Variants in TTC17 observed in about 807,000 individuals in gnomAD.
TTC17 encodes tetratricopeptide repeat domain 17, also known as tetratricopeptide repeat protein 17.
TTC17 carries 58 observed loss-of-function variants against 143.8 expected under a neutral mutation model. That is an observed-to-expected ratio of 0.40 (90% CI 0.33 to 0.50). The LOEUF (loss-of-function observed/expected upper bound fraction) is 0.50, where lower values mean the gene tolerates loss of function less well. TTC17 is among the 20% of genes least tolerant of loss of function. The pLI is 0.49. For missense variants in TTC17, 1,273 were observed against 1,392.5 expected (o/e 0.91, Z 1.37); for synonymous variants, 501 against 497.8 (o/e 1.01, Z -0.09).
At chr11:43,462,376 A>T (rs891165968) in intron 21 of TTC17, among the ~76,000 whole-genome samples, 4 of 152,234 alleles carry the variant, frequency 2.6e-5, no homozygotes, top group African/African-American at 9.6e-5. Flanking sequence ...AGCCAATCAC[A>T]TGTATTCTTA....
At chr11:43,489,865 C>A (rs1185764733) in intron 21 of TTC17, 1 of 153,666 alleles carries the variant, frequency 6.5e-6, no homozygotes, top group Non-Finnish European at 1.4e-5. Flanking sequence ...AGAGAGACTT[C>A]ATGGTATAAC....
At chr11:43,488,068 C>A (rs1240192362) in intron 21 of TTC17, among the ~76,000 whole-genome samples, 2 of 152,070 alleles carry the variant, frequency 1.3e-5, no homozygotes, top group Non-Finnish European at 2.9e-5. Flanking sequence ...ATAGTTCAAC[C>A]CATAGCAGTG....
At chr11:43,421,294 G>T (rs962377194) in intron 16 of TTC17, among the ~76,000 whole-genome samples, 8 of 152,188 alleles carry the variant, frequency 5.3e-5, no homozygotes, top group African/African-American at 1.9e-4. Flanking sequence ...AAATGTTCAT[G>T]TTAGGAATAG....
intron 21 of TTC17, among the ~76,000 whole-genome samples, chr11:43,481,919 C>T (rs1267306603): frequency 6.6e-6 from 1 of 152,130 alleles, no homozygotes; most frequent in Non-Finnish European, 1.5e-5. Context: ...AAGTGATTCT[C>T]GTGCCTCAGC....
rs74847041 is a variant in TTC17, at chr11:43,469,853, A to T, written c.3030+18588A>T. 9.2e-3 allele frequency among the ~76,000 whole-genome samples: 1,402 copies of T among 152,348 alleles called. 22 individuals are homozygous for T. The highest frequency in any genetic ancestry group is 0.032 in the African/African-American group (1,351 of 41,578). ...TTTTAAAAATGAAAGTTAAATAAAG[A>T]TTTTAGACCACTAAAAGCTGGAAGA... is the stretch of plus-strand genomic sequence containing the variant. On this transcript the variant is annotated intron_variant, in intron 21 of 23. Transcript: ENST00000039989.
Position 43,443,550 on chromosome 11 carries a change from A to G in TTC17, c.2477A>G (p.Asp826Gly). Residue 826 changes from aspartate (D) to glycine (G), a missense_variant, in exon 17 of 24, where the codon GAC becomes GGC. This residue lies in a region of TTC17 where 878 missense variants were observed against 899.8 expected (regional missense o/e 0.98). Coordinates refer to ENST00000039989, the MANE Select transcript of TTC17 (RefSeq NM_018259.6). The part of the protein sequence containing the change: ...DGVARSSCYG[D>G]CRSEDDEATE... Reference sequence around the variant, plus strand: ...GTGGCCAGAAGCTCTTGCTATGGAGACTGCAGAAGTGAAGATGATGAAGCA... The same window carrying G: ...GTGGCCAGAAGCTCTTGCTATGGAGGCTGCAGAAGTGAAGATGATGAAGCA... The G allele has an allele frequency of 1.2e-6, 2 of 1,612,962 alleles. No homozygotes were observed. Among genetic ancestry groups the G allele is most frequent in the Non-Finnish European group, 1.7e-6 (2 of 1,179,474 alleles).
At chr11:43,440,635 T>C (rs1372975438) in intron 16 of TTC17, among the ~76,000 whole-genome samples, 1 of 152,202 alleles carries the variant, frequency 6.6e-6, no homozygotes, top group East Asian at 1.9e-4. Context: ...CTCTTTGTCT[T>C]CTGTCTTCTC....
chr11:43,375,869 C>T (rs1214101434), intron 1 of TTC17, among the ~76,000 whole-genome samples: 1 of 152,026 alleles, frequency 6.6e-6, no homozygotes, highest in Admixed American at 6.6e-5. Context: ...AAATAATTAC[C>T]CTCATATAGT....
intron 4 of TTC17, 91 bp from the exon 5 acceptor site, chr11:43,391,730 A>T (rs1590344498): frequency 6.8e-6 from 10 of 1,481,270 alleles, no homozygotes; most frequent in Non-Finnish European, 9.1e-6. Context: ...CCAAAATATT[A>T]GTATTTCAAA....
At chr11:43,369,967 T>C (rs1354655061) in intron 1 of TTC17, 1 of 417,558 alleles carries the variant, frequency 2.4e-6, no homozygotes, top group Non-Finnish European at 4.7e-6. Context: ...AAAGTCATAA[T>C]TAACAAATAT....
At chr11:43,453,273 A>C (rs1025413249) in intron 21 of TTC17, among the ~76,000 whole-genome samples, 1 of 152,226 alleles carries the variant, frequency 6.6e-6, no homozygotes, top group African/African-American at 2.4e-5. Context: ...TTCTATTTCT[A>C]TAAAATATAT....
chr11:43,374,015 C>T (rs1284212693), intron 1 of TTC17, among the ~76,000 whole-genome samples: 1 of 152,120 alleles, frequency 6.6e-6, no homozygotes, highest in Non-Finnish European at 1.5e-5. Context: ...AATGATAATG[C>T]TTTAGCAGAT....
chr11:43,486,480 A>G, intron 21 of TTC17: 1 of 442,278 alleles, frequency 2.3e-6, no homozygotes, highest in Non-Finnish European at 4.6e-6. Flanking sequence ...CCATTTTCAT[A>G]AAGTACAGGA....
In TTC17 at chr11:43,443,528, G is replaced by A; in HGVS notation, c.2455G>A (p.Ala819Thr). 1 of 1,614,128 alleles carries A rather than the reference G, an allele frequency of 6.2e-7. No individual in the cohort carries two copies. The highest frequency in any genetic ancestry group is 2.2e-5 in the East Asian group (1 of 44,878). The change falls in exon 17 of 24, where the codon GCC becomes ACC. Residue 819 changes from alanine (A) to threonine (T), a missense_variant. Transcript: ENST00000039989. ...VLKKGPQDGV[A>T]RSSCYGDCRS... ...GAAGAAAGGTCCCCAGGATGGAGTGGCCAGAAGCTCTTGCTATGGAGACTG... is the reference window on the plus strand; with the variant it reads ...GAAGAAAGGTCCCCAGGATGGAGTGACCAGAAGCTCTTGCTATGGAGACTG...
At chr11:43,482,183 CTCTTA>C (rs1948300474) in intron 21 of TTC17, among the ~76,000 whole-genome samples, 1 of 151,274 alleles carries the variant, frequency 6.6e-6, no homozygotes, top group Admixed American at 6.6e-5. Flanking sequence ...TTTATGTCTG[CTCTTA>C]TCTTTGTAAT....
chr11:43,429,311 C>T (rs1332579941), intron 16 of TTC17, among the ~76,000 whole-genome samples: 1 of 152,184 alleles, frequency 6.6e-6, no homozygotes, highest in African/African-American at 2.4e-5. Context: ...GCAGCCAAGG[C>T]AGGATTTGAA....
chr11:43,420,729 A>G (rs1163283397), intron 16 of TTC17, among the ~76,000 whole-genome samples: 3 of 152,286 alleles, frequency 2.0e-5, no homozygotes, highest in African/African-American at 7.2e-5. Flanking sequence ...TCTGAAAGAC[A>G]TTATATATAA....
intron 21 of TTC17, among the ~76,000 whole-genome samples, chr11:43,455,352 A>G (rs1442556408): frequency 2.0e-5 from 3 of 151,974 alleles, no homozygotes; most frequent in East Asian, 3.8e-4. Flanking sequence ...ACTAAAAGCA[A>G]AAGAATTAAC....
intron 11 of TTC17, among the ~76,000 whole-genome samples, chr11:43,404,528 T>A (rs1858022367): frequency 6.6e-6 from 1 of 152,220 alleles, no homozygotes; most frequent in Admixed American, 6.5e-5. Context: ...GTATAATAGA[T>A]AAGCCCCCTT....
Sources: allele counts gnomAD v4.1 joint callset (sites outside exome capture counted in the v4.1 genomes callset), GRCh38; gene constraint gnomAD v4.1.1; regional missense constraint gnomAD v4.1.1; transcripts MANE v1.5; gene names NCBI Gene and HGNC (gene_info 2026-07-23, HGNC 2026-07-21).